The following TJP1 variants were observed in gnomAD, a reference collection of about 807,000 sequenced individuals.
TJP1 encodes the protein tight junction protein ZO-1.
In TJP1, 43 loss-of-function variants were observed where a neutral mutation model predicts 194.2. That is an observed-to-expected ratio of 0.22 (90% CI 0.17 to 0.29). TJP1 has a LOEUF of 0.29. Among genes scored for constraint, TJP1 ranks in the 10% least tolerant of loss-of-function variants. The pLI is 1.00. For missense variants in TJP1, 1,971 were observed against 2,185.7 expected (o/e 0.90, Z 1.96); for synonymous variants, 801 against 779.0 (o/e 1.03, Z -0.47).
chr15:29,947,935 G>C (rs997322225), intron 2 of TJP1, among the ~76,000 whole-genome samples: 5 of 152,140 alleles, frequency 3.3e-5, no homozygotes, highest in African/African-American at 1.2e-4. Flanking sequence ...CACACTCCTT[G>C]CTACAAGAGA....
At chr15:29,925,894 C>T (rs2054509390) in intron 2 of TJP1, among the ~76,000 whole-genome samples, 1 of 152,212 alleles carries the variant, frequency 6.6e-6, no homozygotes, top group African/African-American at 2.4e-5. Context: ...TGGCCTGCAT[C>T]CTCTGTTCCC....
intron 2 of TJP1, among the ~76,000 whole-genome samples, chr15:29,775,888 A>G (rs2046986488): frequency 6.6e-6 from 1 of 152,144 alleles, no homozygotes; most frequent in East Asian, 1.9e-4. Flanking sequence ...AAAAGCAGCA[A>G]AATTTATGAG....
At position 29,773,288 on chromosome 15, in the gene TJP1, T is replaced by A; in HGVS notation, c.154A>T (p.Thr52Ser). ...AGCACATCTGAAATCACTATTGACG[T>A]TTCCCCACTCTGAAAATGAGGATTA... ...RDNPHFQSGE[T>S]SIVISDVLKG... Residue 52 changes from threonine (T) to serine (S), a missense_variant, in exon 3 of 28, where the codon ACG becomes TCG. By Grantham distance (58) the Thr-to-Ser change is moderately conservative (BLOSUM62 1). Around this residue, in one of 5 missense-constraint regions of TJP1, gnomAD observed 245 missense variants for 336.6 expected, o/e 0.73. Transcript: ENST00000614355. The A allele has an allele frequency of 6.2e-7, 1 of 1,614,108 alleles. No individual in the cohort carries two copies. The highest frequency in any genetic ancestry group is 2.2e-5 in the East Asian group (1 of 44,868).
chr15:29,760,910 A>C (rs987540368), intron 8 of TJP1, among the ~76,000 whole-genome samples: 3 of 152,234 alleles, frequency 2.0e-5, no homozygotes, highest in Admixed American at 6.5e-5. Context: ...GCAGTTGAGC[A>C]GTGAAAAGAA....
At chr15:29,732,407 T>C (rs1170356001) in intron 15 of TJP1, 26 bp downstream of exon 15, 1 of 1,600,396 alleles carries the variant, frequency 6.2e-7, no homozygotes, top group Non-Finnish European at 8.5e-7. Context: ...CCCAACCTCA[T>C]TTAAGTTAGC....
chr15:29,851,698 T>A (rs1007076829), intron 2 of TJP1, among the ~76,000 whole-genome samples: 3 of 152,362 alleles, frequency 2.0e-5, no homozygotes, highest in Non-Finnish European at 4.4e-5. Context: ...ATTTCAGGAC[T>A]TATTATATAG....
chr15:29,718,232 G>A (rs1391935127), intron 21 of TJP1, 34 bp downstream of exon 21: 1 of 1,601,510 alleles, frequency 6.2e-7, no homozygotes, highest in Admixed American at 1.7e-5. Context: ...TAAACGGTGT[G>A]CCCATGCATC....
intron 2 of TJP1, among the ~76,000 whole-genome samples, chr15:29,894,933 G>A (rs1355870475): frequency 6.6e-6 from 1 of 152,172 alleles, no homozygotes; most frequent in Non-Finnish European, 1.5e-5. Flanking sequence ...GAGGATCCCT[G>A]CCCTAGAATG....
Position 29,821,127 on chromosome 15 carries a change from A to T in TJP1, c.27+875T>A, listed in dbSNP as rs547281899. Among the ~76,000 whole-genome samples, 4 of 152,354 alleles carry T rather than the reference A, an allele frequency of 2.6e-5. No homozygotes were observed. In the South Asian group the frequency reaches 8.3e-4, roughly 32 times the overall value. Reference sequence around the variant, plus strand: ...AATAACAAGTACTATTTTATGATGAAAAAATTAATATACAAAATGGGAGGA... The same window carrying T: ...AATAACAAGTACTATTTTATGATGATAAAATTAATATACAAAATGGGAGGA... On this transcript the variant is annotated intron_variant, in intron 1 of 27. Coordinates refer to ENST00000614355, the MANE Select transcript of TJP1 (RefSeq NM_001330239.4).
rs190719284 is a variant in TJP1, at chr15:29,809,094, T to C, written c.28-8392A>G. On this transcript the variant is annotated intron_variant, in intron 1 of 27. Transcript: ENST00000614355. ...ATATGTGATATGTATTATGATATGCTATGTGCAAAATATACATGATATGTA... is the reference window on the plus strand; with the variant it reads ...ATATGTGATATGTATTATGATATGCCATGTGCAAAATATACATGATATGTA... 1.1e-4 allele frequency among the ~76,000 whole-genome samples: 16 copies of C among 152,318 alleles called. 1 individual carries two copies. In the East Asian group the frequency reaches 3.1e-3, roughly 29 times the overall value.
chr15:29,867,724 C>G (rs2052355907), intron 2 of TJP1, among the ~76,000 whole-genome samples: 1 of 152,010 alleles, frequency 6.6e-6, no homozygotes, highest in Non-Finnish European at 1.5e-5. Flanking sequence ...TTAAGACCAG[C>G]CTGGGCAACA....
Position 29,730,833 on chromosome 15 carries a change from C to T in TJP1, c.2017+1600G>A. 8 of 1,022,130 alleles carry T rather than the reference C, an allele frequency of 7.8e-6. No homozygotes were observed. The South Asian group carries it at 8.8e-5, about 11-fold the overall frequency. The allele number at this position is 1,022,130 out of a possible 1,614,324, so 63.3% of individuals were successfully genotyped here. On this transcript the variant is annotated intron_variant, in intron 15 of 27. Transcript: ENST00000614355. ...TGCTCCTCCAAAGCCAGAGCCCAAG[C>T]CTAAAAAGGCCCCTGCAAAGAAGGG...
At chr15:29,962,985 T>C (rs1021687677) in intron 1 of TJP1, among the ~76,000 whole-genome samples, 7 of 151,886 alleles carry the variant, frequency 4.6e-5, no homozygotes, top group Non-Finnish European at 8.8e-5. Flanking sequence ...ACTAAAAATA[T>C]AAAAAATTAG....
rs569819076 is a variant in TJP1, at chr15:29,741,361, G to A, written c.1226C>T (p.Pro409Leu). ...AATCCCATCTTCATGAGTTGAATTA[G>A]GTAGGACACCATCAGATGGACTGAC... is the stretch of plus-strand genomic sequence containing the variant. ...LPVSPSDGVL[P>L]NSTHEDGILR... The change falls in exon 10 of 28, where the codon CCT (proline) becomes CTT (leucine). Residue 409 changes from proline (P) to leucine (L), a missense_variant. Around this residue, in one of 5 missense-constraint regions of TJP1, gnomAD observed 192 missense variants for 182.3 expected, o/e 1.05. Coordinates refer to ENST00000614355, the MANE Select transcript of TJP1 (RefSeq NM_001330239.4). The A allele has an allele frequency of 1.4e-5, 23 of 1,596,956 alleles. No individual in the cohort carries two copies. Among genetic ancestry groups the A allele is most frequent in the South Asian group, 8.1e-5 (7 of 86,878 alleles).
chr15:29,848,860 AAT>A (rs1253770595), intron 2 of TJP1, among the ~76,000 whole-genome samples: 1 of 152,146 alleles, frequency 6.6e-6, no homozygotes, highest in Non-Finnish European at 1.5e-5. Context: ...TCCATCTCAA[AAT>A]AAAAAAAAAA....
chr15:29,755,806 T>C (rs549575680), intron 8 of TJP1, among the ~76,000 whole-genome samples: 14 of 152,308 alleles, frequency 9.2e-5, no homozygotes, highest in Non-Finnish European at 1.8e-4. Flanking sequence ...TGTAAATGGG[T>C]AGAATGCCAA....
rs1289448344 is a variant in TJP1, at chr15:29,766,336, C to T, written c.519G>A (p.Arg173=). 1.2e-6 allele frequency: 2 copies of T among 1,614,244 alleles called. No individual in the cohort carries two copies. Among genetic ancestry groups the T allele is most frequent in the Non-Finnish European group, 1.7e-6 (2 of 1,180,046 alleles). Residue 173 remains arginine (R), a synonymous_variant, in exon 5 of 28, where the codon AGG becomes AGA. Coordinates refer to ENST00000614355, the MANE Select transcript of TJP1 (RefSeq NM_001330239.4). The part of the protein sequence containing the change: ...RERSLSPRSD[R]RSVASSQPAK... ...CAGGCTGGCTGGAAGCCACTGACCG[C>T]CTGTCTGACCGCGGGGACAAGCTCC...
At position 29,742,839 on chromosome 15, in the gene TJP1, T is replaced by C. The variant is rs2044515250; in HGVS notation, c.1011-58A>G. 1.3e-5 allele frequency: 19 copies of C among 1,489,504 alleles called. No individual in the cohort carries two copies. In the South Asian group the frequency reaches 2.7e-4, roughly 21 times the overall value. 92.3% of individuals were successfully genotyped at this position (1,489,504 alleles called of 1,614,324 possible). On this transcript the variant is annotated intron_variant, in intron 8 of 27. Coordinates refer to ENST00000614355, the MANE Select transcript of TJP1 (RefSeq NM_001330239.4). The stretch of plus-strand genomic sequence containing the variant: ...TAAGAATGATTCTGGAAAGCATCTG[T>C]AAGAGAACAGTATAAGAAGAGGCAA...
intron 2 of TJP1, among the ~76,000 whole-genome samples, chr15:29,795,123 T>A (rs1250734679): frequency 1.3e-5 from 2 of 152,118 alleles, no homozygotes; most frequent in Non-Finnish European, 1.5e-5. Flanking sequence ...GACAAATATT[T>A]TGAAAGACAC....
Sources: allele counts gnomAD v4.1 joint callset (sites outside exome capture counted in the v4.1 genomes callset), GRCh38; gene constraint gnomAD v4.1.1; regional missense constraint gnomAD v4.1.1; transcripts MANE v1.5; gene names NCBI Gene and HGNC (gene_info 2026-07-23, HGNC 2026-07-21).